SH2B1: variants seen among roughly 807,000 people sequenced by gnomAD.
The protein encoded by SH2B1 is SH2B adapter protein 1.
A neutral mutation model predicts 62.6 loss-of-function variants in SH2B1; 15 were observed. That is an observed-to-expected ratio of 0.24 (90% CI 0.16 to 0.37). SH2B1 has a LOEUF of 0.37. Among genes scored for constraint, SH2B1 ranks in the 10% least tolerant of loss-of-function variants. SH2B1 has a pLI of 1.00. For missense variants in SH2B1, 925 were observed against 1,015.6 expected, an observed-to-expected ratio of 0.91 and a Z score of 1.21; for synonymous variants, 443 against 438.0, an observed-to-expected ratio of 1.01 and a Z score of -0.14.
In SH2B1 at chr16:28,866,738, GT is replaced by G. The variant is rs1567467621; in HGVS notation, c.645del (p.Ser215ArgfsTer17). The G allele has an allele frequency of 6.3e-7, 1 of 1,580,130 alleles. No individual in the cohort carries two copies. ...GAGTVGRGLVSDGTSPGERWT... is the reference protein window; with the variant it reads ...GAGTVGRGLVXDGTSPGERWT... The stretch of plus-strand genomic sequence containing the variant: ...GGGACCGTTGGTAGGGGACTGGTCA[GT>G]GATGGAACGTCCCCTGGGGAAAGAT... On this transcript the variant is annotated frameshift_variant, in exon 1 of 8. Transcript: ENST00000684370. LOFTEE classifies it high-confidence loss of function. This position sits in a 1 kb window ranked among gnomAD's most constrained non-coding sequence, Gnocchi z 6.3.
In SH2B1 at chr16:28,866,556, C is replaced by T. The variant is rs1490497202; in HGVS notation, c.462C>T (p.Ser154=). ...AGCCGAAGCTCAAGAAGCGCTTTTC[C>T]CTGCGTTCAGTGGGTCGCTCTGTCC... ...SSKPKLKKRF[S]LRSVGRSVRG... Residue 154 remains serine (S), a synonymous_variant, in exon 1 of 8, where the codon TCC becomes TCT. Coordinates refer to ENST00000684370, the MANE Select transcript of SH2B1 (RefSeq NM_001387430.1). This position sits in a 1 kb window ranked among gnomAD's most constrained non-coding sequence, Gnocchi z 6.3. 7 of 1,614,082 alleles carry T rather than the reference C, an allele frequency of 4.3e-6. No individual in the cohort carries two copies. Among genetic ancestry groups the T allele is most frequent in the Non-Finnish European group, 5.9e-6 (7 of 1,180,034 alleles).
chr16:28,858,445 G>C (rs1201785157), intron 1 of SH2B1, among the ~76,000 whole-genome samples: 5 of 152,160 alleles, frequency 3.3e-5, no homozygotes, highest in Admixed American at 3.3e-4. Flanking sequence ...CCCGGGAGGA[G>C]GTGGAGGTTG....
intron 1 of SH2B1, among the ~76,000 whole-genome samples, chr16:28,855,190 C>A (rs868292349): frequency 6.6e-6 from 1 of 151,632 alleles, no homozygotes; most frequent in Admixed American, 6.6e-5. Flanking sequence ...ACTGGCCCCC[C>A]ACTTTCGTTT....
rs181221764 is a variant in SH2B1, at chr16:28,872,139, G to C, written c.1514-51G>C. The C allele has an allele frequency of 1.9e-6, 3 of 1,556,290 alleles. No homozygotes were observed. The highest frequency in any genetic ancestry group is 2.6e-6 in the Non-Finnish European group (3 of 1,134,578). ...AGGCAAGGCTTTTTTCTCCCAGGAT[G>C]GGGGAGGCTGCCCTGACACCCCGGT... On this transcript the variant is annotated intron_variant, in intron 5 of 7. Coordinates refer to ENST00000684370, the MANE Select transcript of SH2B1 (RefSeq NM_001387430.1). This position sits in a 1 kb window ranked among gnomAD's most constrained non-coding sequence, Gnocchi z 5.3.
chr16:28,863,808 T>C (rs1962533274), upstream of SH2B1: 1 of 1,535,216 alleles, frequency 6.5e-7, no homozygotes, highest in East Asian at 2.4e-5. Flanking sequence ...GTCTCTTCCT[T>C]CAGCGACGGG....
intron 1 of SH2B1, among the ~76,000 whole-genome samples, chr16:28,852,249 TATATATATTTACATATATATATTTAC>T (rs1962122700): frequency 1.2e-5 from 1 of 83,564 alleles, no homozygotes; most frequent in Admixed American, 1.7e-4. Context: ...TATATTTACA[TATATATATTTACATATATATATTTAC>T]ATATATATAT....
intron 1 of SH2B1, among the ~76,000 whole-genome samples, chr16:28,848,000 ATT>A (rs1962020895): frequency 6.6e-6 from 1 of 151,626 alleles, no homozygotes; most frequent in Non-Finnish European, 1.5e-5. Flanking sequence ...TAATTTTAGT[ATT>A]TTTAGTACAG....
upstream of SH2B1, chr16:28,863,756 T>C (rs927275233): frequency 3.4e-5 from 52 of 1,535,310 alleles, no homozygotes; most frequent in Non-Finnish European, 4.5e-5. Flanking sequence ...ATGGCGGAAG[T>C]AAGTATGAAG....
chr16:28,851,196 C>G (rs1045457122), intron 1 of SH2B1, among the ~76,000 whole-genome samples: 3 of 149,864 alleles, frequency 2.0e-5, no homozygotes, highest in African/African-American at 7.4e-5. Flanking sequence ...AAAAAACCAA[C>G]CTATCCAAAA....
At chr16:28,860,181 T>C (rs1444700160), upstream of SH2B1, among the ~76,000 whole-genome samples, 1 of 151,838 alleles carries the variant, frequency 6.6e-6, no homozygotes, top group East Asian at 1.9e-4. Context: ...ACCTGCCTTA[T>C]CTCTGTCCTC....
chr16:28,868,429 T>C (rs1962848602), intron 2 of SH2B1, among the ~76,000 whole-genome samples: 2 of 152,044 alleles, frequency 1.3e-5, no homozygotes, highest in South Asian at 4.1e-4. Context: ...CGTGAGCCAC[T>C]GCGCCTGGCC....
Position 28,869,062 on chromosome 16 carries a change from C to G in SH2B1, c.1098C>G (p.Ala366=). The stretch of plus-strand genomic sequence containing the variant: ...CAGTGGATGCCCAGCATGTGAAGGC[C>G]TGGGTGTCTGACATCCAAGAATGCC... ...METVDAQHVK[A]WVSDIQECLS... The change falls in exon 3 of 8, where the codon GCC becomes GCG. Residue 366 remains alanine, a synonymous_variant. Transcript: ENST00000684370. The G allele has an allele frequency of 6.2e-7, 1 of 1,614,156 alleles. No individual in the cohort carries two copies. Among genetic ancestry groups the G allele is most frequent in the South Asian group, 1.1e-5 (1 of 91,088 alleles).
At chr16:28,853,133 C>T (rs1280435003) in intron 1 of SH2B1, among the ~76,000 whole-genome samples, 3 of 117,680 alleles carry the variant, frequency 2.5e-5, no homozygotes, top group East Asian at 2.4e-4. Context: ...TTTATGTATA[C>T]ATTTATATAA....
chr16:28,847,127 G>T (rs1281439832), intron 1 of SH2B1, among the ~76,000 whole-genome samples: 1 of 152,200 alleles, frequency 6.6e-6, no homozygotes, highest in Admixed American at 6.5e-5. Context: ...GTTCCGTTGG[G>T]CATCGCCCCA....
chr16:28,863,483 A>G, upstream of SH2B1: 3 of 564,906 alleles, frequency 5.3e-6, no homozygotes, highest in South Asian at 6.9e-5. Flanking sequence ...CCGTTCACAC[A>G]GCCTCATCAT....
chr16:28,863,925 A>T lies in SH2B1; in HGVS notation c.-2170A>T, dbSNP rs1428033931. 1.1e-5 allele frequency: 16 copies of T among 1,476,994 alleles called. No individual in the cohort carries two copies. The highest frequency in any genetic ancestry group is 1.4e-5 in the Non-Finnish European group (16 of 1,119,800). The allele number at this position is 1,476,994 out of a possible 1,614,324, so 91.5% of individuals were successfully genotyped here. A position where few individuals can be genotyped will look rare whatever the true frequency, so the allele number is the denominator to read the frequency against. The stretch of plus-strand genomic sequence containing the variant: ...GCCGCCGCCGCCGCCGCCGGAGCTA[A>T]CCTCGGGGACCGAGATGCAGGTGGG... On this transcript the variant is annotated 5_prime_UTR_variant, in exon 1 of 8. Transcript: ENST00000684370.
chr16:28,873,530 T>A lies in SH2B1; in HGVS notation c.1981T>A (p.Ser661Thr). Reference sequence around the variant, plus strand: ...CCCACAGCCTGGGGCAGAAGAGGCGTCGAGGGCGCCAGAAGTGGCGGCAGC... The same window carrying A: ...CCCACAGCCTGGGGCAGAAGAGGCGACGAGGGCGCCAGAAGTGGCGGCAGC... ...DPPQPGAEEA[S>T]RAPEVAAAAA... The change falls in exon 8 of 8, where the codon TCG becomes ACG. Residue 661 changes from serine to threonine, a missense_variant. Around this residue, in one of 3 missense-constraint regions of SH2B1, gnomAD observed 185 missense variants for 189.5 expected, o/e 0.98. Transcript: ENST00000684370. This position sits in a 1 kb window ranked among gnomAD's most constrained non-coding sequence, Gnocchi z 4.2. 4.4e-6 allele frequency: 7 copies of A among 1,601,738 alleles called. No homozygotes were observed. The highest frequency in any genetic ancestry group is 6.0e-6 in the Non-Finnish European group (7 of 1,175,048).
chr16:28,863,769 G>A (rs1272585488), upstream of SH2B1: 2 of 1,535,680 alleles, frequency 1.3e-6, no homozygotes, highest in African/African-American at 1.4e-5. Context: ...GTATGAAGGT[G>A]CCCTTCCCTC....
In SH2B1 at chr16:28,864,238, G is replaced by A; in HGVS notation, c.-1857G>A. 1 of 1,018,446 alleles carries A rather than the reference G, an allele frequency of 9.8e-7. No homozygotes were observed. The highest frequency in any genetic ancestry group is 1.2e-6 in the Non-Finnish European group (1 of 849,948). The allele number at this position is 1,018,446 out of a possible 1,614,324, so 63.1% of individuals were successfully genotyped here. ...TGCACCCTCCACCTCCCGCCCTTCG[G>A]GAAATATCAGAACTGAGCCAGGAGG... On this transcript the variant is annotated 5_prime_UTR_variant, in exon 1 of 8. Transcript: ENST00000684370.
Sources: allele counts gnomAD v4.1 joint callset (sites outside exome capture counted in the v4.1 genomes callset), GRCh38; gene constraint gnomAD v4.1.1; regional missense constraint gnomAD v4.1.1; non-coding constraint Gnocchi (gnomAD v3.1); transcripts MANE v1.5; gene names NCBI Gene and HGNC (gene_info 2026-07-23, HGNC 2026-07-21).